GALK2: variants seen among roughly 807,000 people sequenced by gnomAD.
GALK2 encodes the protein N-acetylgalactosamine kinase.
A neutral mutation model predicts 52.4 loss-of-function variants in GALK2; 36 were observed. That is an observed-to-expected ratio of 0.69 (90% CI 0.53 to 0.91). The LOEUF (loss-of-function observed/expected upper bound fraction) is 0.91. Among genes scored for constraint, GALK2 ranks in the 40% least tolerant of loss-of-function variants. The probability of loss-of-function intolerance (pLI) is 0.00; values close to 1 mark genes in which losing one functional copy is unlikely to be tolerated. For missense variants in GALK2, 579 were observed against 559.1 expected (o/e 1.04, Z -0.36); for synonymous variants, 176 against 199.1 (o/e 0.88, Z 0.98).
intron 5 of GALK2, among the ~76,000 whole-genome samples, chr15:49,241,433 C>T (rs1367274487): frequency 6.6e-6 from 1 of 152,062 alleles, no homozygotes; most frequent in African/African-American, 2.4e-5. Flanking sequence ...ATGAGAAAAA[C>T]CAGAAAGGTG....
intron 3 of GALK2, among the ~76,000 whole-genome samples, chr15:49,227,675 G>A (rs1024799933): frequency 6.6e-6 from 1 of 150,972 alleles, no homozygotes; most frequent in Non-Finnish European, 1.5e-5. Context: ...CTGTCATTTT[G>A]TTAATTGACT....
intron 7 of GALK2, among the ~76,000 whole-genome samples, chr15:49,292,087 CGT>C (rs367801724): frequency 3.5e-4 from 53 of 150,618 alleles, no homozygotes; most frequent in Admixed American, 2.6e-4. Context: ...TGTGTGTTTG[CGT>C]GTGTGTGTGT....
intron 5 of GALK2, among the ~76,000 whole-genome samples, chr15:49,270,226 T>C (rs1292395730): frequency 6.6e-6 from 1 of 152,194 alleles, no homozygotes; most frequent in African/African-American, 2.4e-5. Flanking sequence ...AAGAAAAGAA[T>C]AAAAACATAC....
At chr15:49,244,017 A>G (rs925133863) in intron 5 of GALK2, among the ~76,000 whole-genome samples, 4 of 152,148 alleles carry the variant, frequency 2.6e-5, no homozygotes, top group Non-Finnish European at 4.4e-5. Context: ...GAGCTGGACA[A>G]TAAGAGAGAA....
At chr15:49,344,126 A>T (rs1379252896) in intron 3 of GALK2, 2 of 152,200 alleles carry the variant, frequency 1.3e-5, no homozygotes, top group African/African-American at 4.8e-5. Context: ...ATGAAATCTC[A>T]TATTGATGAA....
intron 6 of GALK2, 101 bp downstream of exon 6, chr15:49,282,186 G>T: frequency 1.3e-6 from 1 of 761,434 alleles, no homozygotes; most frequent in South Asian, 1.7e-5. Context: ...GTTATGGACA[G>T]CCTACTATAT....
intron 3 of GALK2, among the ~76,000 whole-genome samples, chr15:49,220,441 ATTCC>A (rs1180769676): frequency 6.6e-6 from 1 of 152,000 alleles, no homozygotes; most frequent in East Asian, 1.9e-4. Flanking sequence ...GCTGAGTAGT[ATTCC>A]ATTGTGTATA....
At position 49,328,091 on chromosome 15, in the gene GALK2, G is replaced by C. The variant is rs757133440; in HGVS notation, c.1309G>C (p.Ala437Pro). The change falls in exon 10 of 10, where the codon GCA becomes CCA. Residue 437 changes from alanine to proline, a missense_variant. Physicochemically the swap from Ala to Pro is conservative, Grantham distance 27. Coordinates refer to ENST00000560031, the MANE Select transcript of GALK2 (RefSeq NM_002044.4). ...TTACCAGAGGAGTGATGGAAGCTTA[G>C]CACCGGAGAAGCAAAGTTTGTTTGC... ...AYYQRSDGSL[A>P]PEKQSLFATK... 6.2e-7 allele frequency: 1 copy of C among 1,614,002 alleles called. No homozygotes were observed. The highest frequency in any genetic ancestry group is 8.5e-7 in the Non-Finnish European group (1 of 1,180,004).
chr15:49,165,632 A>C (rs528261482), upstream of GALK2, among the ~76,000 whole-genome samples: 1 of 152,238 alleles, frequency 6.6e-6, no homozygotes, highest in South Asian at 2.1e-4. Flanking sequence ...TCAATAATTT[A>C]AAATATTATA....
At chr15:49,292,638 G>T in intron 8 of GALK2, 101 bp downstream of exon 8, 1 of 918,554 alleles carries the variant, frequency 1.1e-6, no homozygotes, top group East Asian at 2.6e-5. Flanking sequence ...AGGGAATTTG[G>T]AGACTGTGTT....
At chr15:49,196,311 A>G (rs1227225979) in intron 1 of GALK2, among the ~76,000 whole-genome samples, 3 of 152,018 alleles carry the variant, frequency 2.0e-5, no homozygotes, top group Non-Finnish European at 2.9e-5. Context: ...TATATTTTTT[A>G]TGAGTAGAGC....
At chr15:49,181,660 C>T (rs1002564048) in intron 1 of GALK2, among the ~76,000 whole-genome samples, 13 of 151,078 alleles carry the variant, frequency 8.6e-5, no homozygotes, top group Non-Finnish European at 1.8e-4. Context: ...TACAGGAGCC[C>T]GCCACCATGC....
intron 3 of GALK2, among the ~76,000 whole-genome samples, chr15:49,342,736 C>T (rs2040925478): frequency 6.6e-6 from 1 of 152,094 alleles, no homozygotes; most frequent in Non-Finnish European, 1.5e-5. Flanking sequence ...GCAATGAATT[C>T]CCTTAGTGCT....
At chr15:49,237,087 T>A (rs1159586701) in intron 4 of GALK2, among the ~76,000 whole-genome samples, 1 of 152,226 alleles carries the variant, frequency 6.6e-6, no homozygotes, top group Non-Finnish European at 1.5e-5. Context: ...GCCTGGCAAA[T>A]GCAATTTTAA....
intron 5 of GALK2, among the ~76,000 whole-genome samples, chr15:49,247,615 G>C (rs1461190790): frequency 1.3e-5 from 2 of 152,156 alleles, no homozygotes; most frequent in Non-Finnish European, 2.9e-5. Flanking sequence ...TGTCTCCTTG[G>C]TGAAGTTAAA....
intron 2 of GALK2, among the ~76,000 whole-genome samples, chr15:49,203,686 T>TA (rs2087990462): frequency 9.2e-5 from 14 of 152,360 alleles, no homozygotes; most frequent in Non-Finnish European, 1.6e-4. Flanking sequence ...TTAATCCATT[T>TA]TAAATTCATT....
intron 8 of GALK2, among the ~76,000 whole-genome samples, chr15:49,296,192 TG>T (rs1036938318): frequency 6.6e-6 from 1 of 152,206 alleles, no homozygotes; most frequent in African/African-American, 2.4e-5. Context: ...TGCATGTTTC[TG>T]GGGTTTGGTG....
Position 49,253,459 on chromosome 15 carries a change from T to G in GALK2, c.504+14092T>G, listed in dbSNP as rs555582131. ...TTTTTTTTTGTGGTGAAAGCAAGTT[T>G]ATTAAGCAACTAAAGGAATAAAAGA... is the stretch of plus-strand genomic sequence containing the variant. On this transcript the variant is annotated intron_variant, in intron 5 of 9. Transcript: ENST00000560031. Among the ~76,000 whole-genome samples, 6 of 144,660 alleles carry G rather than the reference T, an allele frequency of 4.1e-5. 1 individual carries two copies. In the South Asian group the frequency reaches 1.3e-3, roughly 32 times the overall value. 94.9% of individuals were successfully genotyped at this position (144,660 alleles called of 152,430 possible).
intron 5 of GALK2, among the ~76,000 whole-genome samples, chr15:49,278,682 T>G (rs1303470506): frequency 1.3e-5 from 2 of 152,192 alleles, no homozygotes; most frequent in African/African-American, 2.4e-5. Context: ...TGGAGTCAGA[T>G]CATTTGAGTT....
Sources: gnomAD v4.1 joint callset for allele counts (sites outside exome capture counted in the v4.1 genomes callset) on GRCh38, gnomAD v4.1.1 for gene constraint, MANE v1.5 for transcripts, NCBI Gene and HGNC (gene_info 2026-07-23, HGNC 2026-07-21) for gene names.